Variants in SLC25A12 observed in about 807,000 individuals in gnomAD.
SLC25A12 encodes the protein solute carrier family 25 member 12, also known as electrogenic aspartate/glutamate antiporter SLC25A12, mitochondrial.
Under a neutral mutation model 83.3 loss-of-function variants are expected in SLC25A12, and 32 were observed. The ratio of observed to expected loss-of-function variants is 0.38; its 90% CI spans 0.29 to 0.52. The LOEUF is 0.52. Among genes scored for constraint, SLC25A12 ranks in the 20% least tolerant of loss-of-function variants. The pLI is 0.84. For synonymous variants in SLC25A12, 267 were observed against 291.1 expected, an observed-to-expected ratio of 0.92 and a Z score of 0.84; for missense variants, 611 against 835.6, an observed-to-expected ratio of 0.73 and a Z score of 3.31.
intron 13 of SLC25A12, among the ~76,000 whole-genome samples, chr2:171,807,948 CCTCT>C (rs148686324): frequency 6.6e-6 from 1 of 150,930 alleles, no homozygotes; most frequent in African/African-American, 2.4e-5. Flanking sequence ...TCTGGAGCAA[CCTCT>C]CTCTCTCTCT....
At position 171,839,279 on chromosome 2, in the gene SLC25A12, A is replaced by T. The variant is rs568291137; in HGVS notation, c.466-2012T>A. ...GAAAAGAGTTAGAACAAACACTGGC[A>T]CCTCCAAATACCCACACCTAAAGCC... On this transcript the variant is annotated intron_variant, in intron 5 of 17. Transcript: ENST00000422440. Among the ~76,000 whole-genome samples the T allele has an allele frequency of 5.9e-5, 9 of 152,324 alleles. No homozygotes were observed. In the East Asian group the frequency reaches 1.7e-3, roughly 29 times the overall value.
chr2:171,866,406 C>T (rs1336627776), intron 3 of SLC25A12, among the ~76,000 whole-genome samples: 2 of 143,644 alleles, frequency 1.4e-5, no homozygotes, highest in African/African-American at 2.6e-5. Flanking sequence ...CCAGTAGGGG[C>T]GGCCGGGCAG....
intron 13 of SLC25A12, among the ~76,000 whole-genome samples, chr2:171,803,185 A>G (rs1022640851): frequency 6.6e-6 from 1 of 152,102 alleles, no homozygotes; most frequent in Non-Finnish European, 1.5e-5. Context: ...GTAAAAGCTA[A>G]AACTATAAAA....
chr2:171,858,693 T>C (rs1210401432), intron 3 of SLC25A12, among the ~76,000 whole-genome samples: 2 of 152,220 alleles, frequency 1.3e-5, no homozygotes, highest in East Asian at 3.8e-4. Flanking sequence ...TTCTGGTTTA[T>C]TTTGATAAAC....
At chr2:171,840,285 C>T (rs1458396254) in intron 5 of SLC25A12, among the ~76,000 whole-genome samples, 1 of 151,564 alleles carries the variant, frequency 6.6e-6, no homozygotes, top group Non-Finnish European at 1.5e-5. Context: ...TTCAGGAGGC[C>T]GAGGTGAAAG....
intron 2 of SLC25A12, among the ~76,000 whole-genome samples, chr2:171,871,537 G>A (rs1307797144): frequency 1.3e-5 from 2 of 152,202 alleles, no homozygotes; most frequent in East Asian, 1.9e-4. Context: ...GGCCAGGATG[G>A]TCTTGATCTC....
chr2:171,839,960 TGAG>T (rs1684637538), intron 5 of SLC25A12, among the ~76,000 whole-genome samples: 2 of 152,170 alleles, frequency 1.3e-5, no homozygotes, highest in Admixed American at 1.3e-4. Context: ...GTCTACTGTC[TGAG>T]GAGTTTAACA....
chr2:171,868,625 T>A (rs893787646), intron 3 of SLC25A12, 56 bp downstream of exon 3: 2 of 1,584,832 alleles, frequency 1.3e-6, no homozygotes, highest in African/African-American at 2.7e-5. Flanking sequence ...GTTTTTTAAA[T>A]TTTTAACAAT....
intron 2 of SLC25A12, among the ~76,000 whole-genome samples, chr2:171,874,735 TG>T (rs1250411577): frequency 1.8e-4 from 28 of 152,242 alleles, no homozygotes; most frequent in Admixed American, 1.8e-3. Flanking sequence ...TGCAACAATG[TG>T]GATGCAGCTG....
At chr2:171,878,507 T>C (rs1450337355) in intron 2 of SLC25A12, among the ~76,000 whole-genome samples, 1 of 152,200 alleles carries the variant, frequency 6.6e-6, no homozygotes, top group Non-Finnish European at 1.5e-5. Context: ...TAACCTTTCA[T>C]CTCTCTCCAA....
Position 171,855,879 on chromosome 2 carries a change from C to G in SLC25A12, c.280G>C (p.Ala94Pro). 6.2e-7 allele frequency: 1 copy of G among 1,613,560 alleles called. No individual in the cohort carries two copies. The highest frequency in any genetic ancestry group is 8.5e-7 in the Non-Finnish European group (1 of 1,179,572). ...LCAPDSMFIV[A>P]FQLFDKSGNG... ...CCACTCTTGTCAAACAACTGGAAAG[C>G]CACTATGAACATGGAATCTGGAGCA... Residue 94 changes from alanine (A) to proline (P), a missense_variant, in exon 4 of 18, where the codon GCT becomes CCT. Ala to Pro is a conservative substitution (Grantham distance 27, BLOSUM62 -1). Transcript: ENST00000422440.
At chr2:171,802,964 A>AGTGTGTGT (rs3058855) in intron 13 of SLC25A12, among the ~76,000 whole-genome samples, 7 of 150,174 alleles carry the variant, frequency 4.7e-5, no homozygotes, top group African/African-American at 1.5e-4. Context: ...GGTTTTAAAA[A>AGTGTGTGT]GTGTGTGTGT....
intron 15 of SLC25A12, chr2:171,788,199 A>C: frequency 2.5e-6 from 1 of 400,840 alleles, no homozygotes; most frequent in Non-Finnish European, 4.5e-6. Flanking sequence ...ATCCCAAATA[A>C]CTGTGAGAGA....
chr2:171,828,725 C>A (rs1204502494), intron 8 of SLC25A12, among the ~76,000 whole-genome samples: 2 of 152,234 alleles, frequency 1.3e-5, no homozygotes, highest in Non-Finnish European at 2.9e-5. Flanking sequence ...ATCCATCCAA[C>A]CTCTAGTTCC....
intron 4 of SLC25A12, among the ~76,000 whole-genome samples, chr2:171,854,055 T>A (rs1330451643): frequency 6.6e-6 from 1 of 152,150 alleles, no homozygotes; most frequent in Non-Finnish European, 1.5e-5. Flanking sequence ...TGCATCACAT[T>A]TGTGAGATAT....
At chr2:171,804,332 C>T (rs1683777706) in intron 13 of SLC25A12, among the ~76,000 whole-genome samples, 1 of 152,128 alleles carries the variant, frequency 6.6e-6, no homozygotes, top group African/African-American at 2.4e-5. Flanking sequence ...AATCTCTGCT[C>T]ATTGCAACCT....
chr2:171,874,562 T>C (rs1237599511), intron 2 of SLC25A12, among the ~76,000 whole-genome samples: 1 of 152,302 alleles, frequency 6.6e-6, no homozygotes, highest in East Asian at 1.9e-4. Context: ...TTGGCAACAA[T>C]TGTTCTTTTT....
At position 171,834,753 on chromosome 2, in the gene SLC25A12, G is replaced by C. The variant is rs758678966; in HGVS notation, c.725C>G (p.Thr242Arg). ...CTTTGTGACTTCAACATCTTTCCTT[G>C]TGCCAGCTAGAGTGCTATATATCTT... ...VRKIYSTLAG[T>R]RKDVEVTKEE... The change falls in exon 7 of 18, where the codon ACA becomes AGA. Residue 242 changes from threonine (T) to arginine (R), a missense_variant. Physicochemically the swap from Thr to Arg is moderately conservative, Grantham distance 71 (BLOSUM62 -1). This residue lies in a region of SLC25A12 where 540 missense variants were observed against 777.5 expected (regional missense o/e 0.69). Transcript: ENST00000422440. 3.1e-6 allele frequency: 5 copies of C among 1,613,632 alleles called. No individual in the cohort carries two copies. Among genetic ancestry groups the C allele is most frequent in the Non-Finnish European group, 4.2e-6 (5 of 1,179,948 alleles).
At chr2:171,831,347 C>T (rs1391961182) in intron 8 of SLC25A12, among the ~76,000 whole-genome samples, 1 of 152,190 alleles carries the variant, frequency 6.6e-6, no homozygotes, top group Admixed American at 6.5e-5. Context: ...TTTTGCATCA[C>T]ATTACCTGAC....
Sources: allele counts gnomAD v4.1 joint callset (sites outside exome capture counted in the v4.1 genomes callset), GRCh38; gene constraint gnomAD v4.1.1; regional missense constraint gnomAD v4.1.1; transcripts MANE v1.5; gene names NCBI Gene and HGNC (gene_info 2026-07-23, HGNC 2026-07-21).